Variants in GNG4 observed in about 807,000 individuals in gnomAD.
The protein encoded by GNG4 is G protein subunit gamma 4.
Under a neutral mutation model 5.8 loss-of-function variants are expected in GNG4, and 4 were observed. The observed-to-expected ratio is 0.69, with a 90% CI of 0.34 to 1.57. The LOEUF (loss-of-function observed/expected upper bound fraction) is 1.57. Ranked by LOEUF, GNG4 falls within the 40% of genes most tolerant of loss-of-function variation. GNG4 has a pLI of 0.06. For synonymous variants in GNG4, 29 were observed against 32.9 expected, an observed-to-expected ratio of 0.88 and a Z score of 0.41; for missense variants, 96 against 95.1, an observed-to-expected ratio of 1.01 and a Z score of -0.04.
intron 3 of GNG4, among the ~76,000 whole-genome samples, chr1:235,568,791 T>C (rs905439930): frequency 2.1e-5 from 2 of 95,152 alleles, no homozygotes; most frequent in Admixed American, 2.5e-4. Context: ...TCTTTTTCTT[T>C]CCTTTTTTTT....
rs552010844 is a variant in GNG4 at position 235,575,586 on chromosome 1, A to T, written c.99+8154T>A. ...GGCAGCCCTTGTAGGAATTGTGAGCACACCCACCCCACGGATGTTGAAATT... is the reference window on the plus strand; with the variant it reads ...GGCAGCCCTTGTAGGAATTGTGAGCTCACCCACCCCACGGATGTTGAAATT... On this transcript the variant is annotated intron_variant, in intron 3 of 3. Transcript: ENST00000391854. Among the ~76,000 whole-genome samples, 15 of 152,340 alleles carry T rather than the reference A, an allele frequency of 9.8e-5. No homozygotes were observed. In the East Asian group the frequency reaches 1.3e-3, roughly 14 times the overall value.
chr1:235,594,924 T>C (rs1478839658), intron 2 of GNG4, among the ~76,000 whole-genome samples: 2 of 152,180 alleles, frequency 1.3e-5, no homozygotes, highest in Non-Finnish European at 2.9e-5. Context: ...CTGTGAGGGT[T>C]GCCAGCACGC....
At chr1:235,625,056 C>T (rs1426927634) in intron 1 of GNG4, among the ~76,000 whole-genome samples, 1 of 152,002 alleles carries the variant, frequency 6.6e-6, no homozygotes, top group African/African-American at 2.4e-5. Flanking sequence ...GAAGGGTTTC[C>T]AAGAAGCAGG....
intron 2 of GNG4, among the ~76,000 whole-genome samples, chr1:235,593,735 CT>C (rs1688047869): frequency 6.6e-6 from 1 of 152,080 alleles, no homozygotes; most frequent in African/African-American, 2.4e-5. Flanking sequence ...AGTGTTACAG[CT>C]CTTAAGGCGG....
intron 2 of GNG4, 23 bp from the exon 3 acceptor site, chr1:235,583,871 G>C (rs1222258833): frequency 1.4e-6 from 2 of 1,460,686 alleles, no homozygotes; most frequent in Middle Eastern, 1.7e-4. Flanking sequence ...AAAGTAAAAG[G>C]GTTAGAAGAG....
At chr1:235,622,593 G>T (rs1413156670) in intron 1 of GNG4, among the ~76,000 whole-genome samples, 2 of 151,700 alleles carry the variant, frequency 1.3e-5, no homozygotes, top group Non-Finnish European at 2.9e-5. Flanking sequence ...CTCACCTGAG[G>T]TCAGGTGGCT....
chr1:235,564,810 C>T (rs537944592), intron 3 of GNG4, among the ~76,000 whole-genome samples: 2 of 152,220 alleles, frequency 1.3e-5, no homozygotes, highest in South Asian at 4.1e-4. Context: ...CTCAGCCCCC[C>T]GAGTAGCTGG....
intron 2 of GNG4, among the ~76,000 whole-genome samples, chr1:235,586,610 C>A (rs1687765703): frequency 6.6e-6 from 1 of 152,174 alleles, no homozygotes; most frequent in South Asian, 2.1e-4. Flanking sequence ...TCAGGAAGGG[C>A]TCAGCGCCAC....
Position 235,567,394 on chromosome 1 carries a change from G to A in GNG4, c.100-15157C>T, listed in dbSNP as rs181956212. ...TAGTATTAAGTATTTTCACATTCTT[G>A]TGCAACTATCAGTACCATCCGTCTC... is the stretch of plus-strand genomic sequence containing the variant. On this transcript the variant is annotated intron_variant, in intron 3 of 3. Coordinates refer to ENST00000391854, the MANE Select transcript of GNG4 (RefSeq NM_001098722.2). Among the ~76,000 whole-genome samples, 29 of 151,974 alleles carry A rather than the reference G, an allele frequency of 1.9e-4. No individual in the cohort carries two copies. The East Asian group carries it at 3.9e-3, about 20-fold the overall frequency.
At chr1:235,627,219 G>A (rs898279118) in intron 1 of GNG4, among the ~76,000 whole-genome samples, 3 of 151,692 alleles carry the variant, frequency 2.0e-5, no homozygotes, top group Non-Finnish European at 4.4e-5. Flanking sequence ...TTTTTTGTTT[G>A]TTTGTTTGTT....
At position 235,573,587 on chromosome 1, in the gene GNG4, G is replaced by C. The variant is rs189506448; in HGVS notation, c.99+10153C>G. Among the ~76,000 whole-genome samples the C allele has an allele frequency of 4.2e-3, 635 of 152,072 alleles. 4 individuals are homozygous for C. Among genetic ancestry groups the C allele is most frequent in the Middle Eastern group, 6.8e-3 (2 of 294 alleles). On this transcript the variant is annotated intron_variant, in intron 3 of 3. Transcript: ENST00000391854. ...AGTCAGGAGATCGAGACCATCCTGG[G>C]TAACACAGTGAAACCCCGTCTCTAC...
intron 2 of GNG4, among the ~76,000 whole-genome samples, chr1:235,588,043 C>T (rs962818525): frequency 1.3e-5 from 2 of 151,812 alleles, no homozygotes; most frequent in Non-Finnish European, 2.9e-5. Context: ...CCTGCAGCTG[C>T]GCCCACCTCT....
chr1:235,563,681 A>G (rs1232084620), intron 3 of GNG4, among the ~76,000 whole-genome samples: 1 of 152,174 alleles, frequency 6.6e-6, no homozygotes, highest in East Asian at 1.9e-4. Flanking sequence ...CCTTCCCAGA[A>G]TCTTGCAACT....
intron 3 of GNG4, among the ~76,000 whole-genome samples, chr1:235,573,408 G>A (rs1430441392): frequency 6.6e-6 from 1 of 151,650 alleles, no homozygotes; most frequent in East Asian, 1.9e-4. Context: ...CACCAAATAT[G>A]GCACACGTAT....
intron 2 of GNG4, among the ~76,000 whole-genome samples, chr1:235,585,581 C>G (rs1687741011): frequency 6.6e-6 from 1 of 152,160 alleles, no homozygotes; most frequent in Non-Finnish European, 1.5e-5. Flanking sequence ...GAAAGCACCA[C>G]ATATTAGTTC....
At chr1:235,559,706 G>A (rs1385678761) in intron 3 of GNG4, among the ~76,000 whole-genome samples, 1 of 152,222 alleles carries the variant, frequency 6.6e-6, no homozygotes, top group Non-Finnish European at 1.5e-5. Flanking sequence ...TGGGTGATAT[G>A]TGTGAATAAA....
chr1:235,559,638 A>G (rs1687008958), intron 3 of GNG4, among the ~76,000 whole-genome samples: 1 of 152,230 alleles, frequency 6.6e-6, no homozygotes, highest in African/African-American at 2.4e-5. Flanking sequence ...GCCACAGGCA[A>G]CATCAAGCTT....
chr1:235,590,916 G>GA (rs1362740513), intron 2 of GNG4, among the ~76,000 whole-genome samples: 2 of 152,082 alleles, frequency 1.3e-5, no homozygotes, highest in African/African-American at 2.4e-5. Flanking sequence ...AGTCCTTTTT[G>GA]AATTTTAACG....
chr1:235,593,003 C>T (rs1290668897), intron 2 of GNG4, among the ~76,000 whole-genome samples: 4 of 149,224 alleles, frequency 2.7e-5, no homozygotes, highest in African/African-American at 9.9e-5. Context: ...GCTTGGAGTG[C>T]AGTGGTGCAA....
Sources: allele counts gnomAD v4.1 joint callset (sites outside exome capture counted in the v4.1 genomes callset), GRCh38; gene constraint gnomAD v4.1.1; transcripts MANE v1.5; gene names NCBI Gene and HGNC (gene_info 2026-07-23, HGNC 2026-07-21).